The following LINGO1 variants were observed in gnomAD, a reference collection of about 807,000 sequenced individuals.
LINGO1 encodes the protein leucine rich repeat and Ig domain containing 1, also known as leucine-rich repeat and immunoglobulin-like domain-containing nogo receptor-interacting protein 1.
Under a neutral mutation model 37.3 loss-of-function variants are expected in LINGO1, and 11 were observed. The observed-to-expected ratio is 0.29, with a 90% CI of 0.19 to 0.49. The LOEUF (loss-of-function observed/expected upper bound fraction) is 0.49, where lower values mean the gene tolerates loss of function less well. LINGO1 is among the 20% of genes least tolerant of loss of function. The pLI is 0.99. For synonymous variants in LINGO1, 387 were observed against 403.0 expected, an observed-to-expected ratio of 0.96 and a Z score of 0.48; for missense variants, 585 against 878.2, an observed-to-expected ratio of 0.67 and a Z score of 4.22.
chr15:77,733,174 C>A (rs1053770550), intron 2 of LINGO1, among the ~76,000 whole-genome samples: 20 of 152,206 alleles, frequency 1.3e-4, no homozygotes, highest in African/African-American at 4.3e-4. Flanking sequence ...GGGGCTGGGG[C>A]CCACTCAGCC....
intron 2 of LINGO1, among the ~76,000 whole-genome samples, chr15:77,717,012 C>T (rs898197636): frequency 1.3e-5 from 2 of 150,308 alleles, no homozygotes; most frequent in African/African-American, 4.8e-5. Context: ...AGAAGGGAAA[C>T]AGGAGAGAGG....
intron 3 of LINGO1, chr15:77,649,346 AAAG>A (rs1469138797): frequency 1.3e-5 from 2 of 152,250 alleles, no homozygotes; most frequent in African/African-American, 2.4e-5. Flanking sequence ...GGACTTTATG[AAAG>A]ATACGTCTGG....
upstream of LINGO1, among the ~76,000 whole-genome samples, chr15:77,788,833 A>G (rs1457022797): frequency 6.6e-6 from 1 of 152,216 alleles, no homozygotes; most frequent in Non-Finnish European, 1.5e-5. Context: ...GGCAGAGCTC[A>G]GGGGTTCTTC....
At chr15:77,724,198 A>C (rs2076079756) in intron 2 of LINGO1, among the ~76,000 whole-genome samples, 1 of 152,128 alleles carries the variant, frequency 6.6e-6, no homozygotes, top group Non-Finnish European at 1.5e-5. Flanking sequence ...AGGTACCCCC[A>C]TCCCAGCACA....
intron 2 of LINGO1, among the ~76,000 whole-genome samples, chr15:77,688,711 G>A (rs1209817110): frequency 1.3e-5 from 2 of 152,238 alleles, no homozygotes; most frequent in Non-Finnish European, 1.5e-5. Flanking sequence ...AGAATTGGAG[G>A]CTGCTGAGAA....
rs1013469788 is a variant in LINGO1 at position 77,794,806 on chromosome 15, G to A, written c.-343+1133C>T. Among the ~76,000 whole-genome samples, 3 of 151,770 alleles carry A rather than the reference G, an allele frequency of 2.0e-5. No individual in the cohort carries two copies. In the South Asian group the frequency reaches 6.2e-4, roughly 32 times the overall value. ...GGGGTTTTACCATGTTAGCCAGGAT[G>A]GTCTCGATCTCCTGACCTTGTGATC... On this transcript the variant is annotated intron_variant, in intron 2 of 5. Coordinates refer to the LINGO1 transcript ENST00000562933.
chr15:77,732,789 T>A (rs1022233924), intron 2 of LINGO1, among the ~76,000 whole-genome samples: 1 of 152,216 alleles, frequency 6.6e-6, no homozygotes, highest in Non-Finnish European at 1.5e-5. Flanking sequence ...GCATAATGCC[T>A]CCTTCCCGGC....
At chr15:77,645,581 T>C (rs890111281) in intron 3 of LINGO1, among the ~76,000 whole-genome samples, 2 of 152,254 alleles carry the variant, frequency 1.3e-5, no homozygotes, top group Admixed American at 1.3e-4. Flanking sequence ...TCAGGGCTAC[T>C]GTGTTCATCC....
At chr15:77,631,408 A>G (rs573692655) in intron 1 of LINGO1, among the ~76,000 whole-genome samples, 2 of 152,116 alleles carry the variant, frequency 1.3e-5, no homozygotes, top group African/African-American at 4.8e-5. Context: ...GAGGAGGTGC[A>G]GGCACAGTCA....
intron 1 of LINGO1, among the ~76,000 whole-genome samples, chr15:77,770,843 G>A (rs1305080946): frequency 3.3e-5 from 5 of 152,316 alleles, no homozygotes; most frequent in South Asian, 2.1e-4. Context: ...ATCCAGGGCC[G>A]GAGAGAGCAC....
chr15:77,760,571 GGTGGCCCTCCA>G lies in LINGO1; in HGVS notation c.-256-25529_-256-25519del, dbSNP rs2076465360. 3.3e-5 allele frequency among the ~76,000 whole-genome samples: 5 copies of G among 152,198 alleles called. No homozygotes were observed. In the South Asian group the frequency reaches 1.0e-3, roughly 32 times the overall value. On this transcript the variant is annotated intron_variant, in intron 1 of 3. Transcript: ENST00000561686. ...TGGGAGCAATCCGCTGGGGCTGATGGGTGGCCCTCCAGTTATCCACGGTCCTTATCAACCTG... is the reference window on the plus strand; with the variant it reads ...TGGGAGCAATCCGCTGGGGCTGATGGGTTATCCACGGTCCTTATCAACCTG...
Position 77,816,096 on chromosome 15 carries a change from C to T in LINGO1, c.-458+4162G>A, listed in dbSNP as rs183494107. Among the ~76,000 whole-genome samples, 500 of 152,338 alleles carry T rather than the reference C, an allele frequency of 3.3e-3. 1 individual carries two copies. Among genetic ancestry groups the T allele is most frequent in the Non-Finnish European group, 5.5e-3 (375 of 68,038 alleles). On this transcript the variant is annotated intron_variant, in intron 1 of 5. Coordinates refer to the LINGO1 transcript ENST00000562933. ...GGAAAATCTCAGCAGGTCAAGGCCC[C>T]GCCAGTCCCCTCCTTCTGAAACAGC...
chr15:77,618,223 G>A (rs903329602), intron 1 of LINGO1, among the ~76,000 whole-genome samples: 8 of 152,188 alleles, frequency 5.3e-5, no homozygotes, highest in African/African-American at 1.2e-4. Context: ...GTGAGGACAC[G>A]GGCCACCCCG....
intron 1 of LINGO1, among the ~76,000 whole-genome samples, chr15:77,620,467 C>G (rs901652445): frequency 6.6e-6 from 1 of 152,210 alleles, no homozygotes; most frequent in African/African-American, 2.4e-5. Flanking sequence ...ACCGGCCACA[C>G]CCTCCTTCAT....
intron 2 of LINGO1, among the ~76,000 whole-genome samples, chr15:77,686,667 C>T (rs2075516475): frequency 6.6e-6 from 1 of 152,152 alleles, no homozygotes. Context: ...GAACACTTAC[C>T]CTAGACTCTC....
At chr15:77,699,714 CA>C (rs2075752977), upstream of LINGO1, among the ~76,000 whole-genome samples, 11 of 4,712 alleles carry the variant, frequency 2.3e-3, no homozygotes, top group East Asian at 7.6e-3. Flanking sequence ...CCATCATTCC[CA>C]CACACAATAA....
chr15:77,731,640 A>G (rs2076155896), intron 2 of LINGO1, among the ~76,000 whole-genome samples: 7 of 152,026 alleles, frequency 4.6e-5, no homozygotes, highest in Admixed American at 4.6e-4. Flanking sequence ...CCTCCCTGCC[A>G]CCATCCCAAT....
At chr15:77,701,233 C>T (rs1253371241), upstream of LINGO1, among the ~76,000 whole-genome samples, 1 of 152,096 alleles carries the variant, frequency 6.6e-6, no homozygotes, top group African/African-American at 2.4e-5. Flanking sequence ...CAAACATAAC[C>T]AACAGGCCTG....
chr15:77,812,095 C>T (rs2077010448), intron 1 of LINGO1, among the ~76,000 whole-genome samples: 1 of 152,184 alleles, frequency 6.6e-6, no homozygotes, highest in East Asian at 1.9e-4. Context: ...CCCTAGAAAT[C>T]GCTTTTCACA....
Sources: allele counts gnomAD v4.1 joint callset (sites outside exome capture counted in the v4.1 genomes callset), GRCh38; gene constraint gnomAD v4.1.1; transcripts MANE v1.5; gene names NCBI Gene and HGNC (gene_info 2026-07-23, HGNC 2026-07-21).